The following DMD variants were observed in gnomAD, a reference collection of about 807,000 sequenced individuals.
The protein encoded by DMD is mutant dystrophin.
DMD carries 63 observed loss-of-function variants against 330.1 expected under a neutral mutation model. The observed-to-expected ratio is 0.19, with a 90% CI of 0.16 to 0.24. The LOEUF (loss-of-function observed/expected upper bound fraction) is 0.24. DMD is among the 10% of genes least tolerant of loss of function. The probability of loss-of-function intolerance (pLI) is 1.00; values close to 1 mark genes in which losing one functional copy is unlikely to be tolerated. For synonymous variants in DMD, 1,223 were observed against 959.8 expected, an observed-to-expected ratio of 1.27 and a Z score of -5.07; for missense variants, 3,344 against 2,684.1, an observed-to-expected ratio of 1.25 and a Z score of -5.43.
At position 32,697,862 on chromosome X, in the gene DMD, T is replaced by C. The variant is rs1326327750; in HGVS notation, c.960+8A>G. 5.0e-6 allele frequency: 6 copies of C among 1,208,352 alleles called. No individual in the cohort carries two copies. Among genetic ancestry groups the C allele is most frequent in the Middle Eastern group, 2.3e-4 (1 of 4,370 alleles). On this transcript the variant is annotated splice_region_variant and intron_variant, in intron 9 of 78. Transcript: ENST00000357033. ...GGTTTGTACAACAGAGAGTAAATGT[T>C]GACAGACCTGTGAAGGAAATGGGCT...
At chrX:33,037,919 T>G (rs1052980379) in intron 1 of DMD, among the ~76,000 whole-genome samples, 13 of 112,085 alleles carry the variant, frequency 1.2e-4, no homozygotes, top group Non-Finnish European at 1.9e-4. Flanking sequence ...AATCAATGTG[T>G]GAACAATATC....
In DMD at chrX:31,279,379, A is replaced by G. The variant is rs754031568; in HGVS notation, c.9225-18363T>C. On this transcript the variant is annotated intron_variant, in intron 62 of 78. Coordinates refer to ENST00000357033, the MANE Select transcript of DMD (RefSeq NM_004006.3). ...TGAATATTTTGTGATATCTTGCAAC[A>G]TGGCCAAAAGTTCTAGCCCTCTCCT... Among the ~76,000 whole-genome samples, 76 of 112,155 alleles carry G rather than the reference A, an allele frequency of 6.8e-4. 1 individual carries two copies. Among genetic ancestry groups the G allele is most frequent in the Non-Finnish European group, 1.2e-3 (66 of 53,243 alleles).
chrX:33,230,604 G>A (rs1039481896), intron 1 of DMD, among the ~76,000 whole-genome samples: 27 of 110,962 alleles, frequency 2.4e-4, no homozygotes, highest in Non-Finnish European at 5.1e-4. Context: ...CAAAAGGAGG[G>A]AGTTGCATAT....
At chrX:31,421,576 C>T (rs950424020) in intron 60 of DMD, among the ~76,000 whole-genome samples, 11 of 110,545 alleles carry the variant, frequency 1.0e-4, no homozygotes, top group South Asian at 3.8e-4. Flanking sequence ...GAAAATAATC[C>T]CCAAAATGAG....
intron 50 of DMD, among the ~76,000 whole-genome samples, chrX:31,781,453 C>A (rs966150427): frequency 2.3e-4 from 26 of 111,936 alleles, no homozygotes; most frequent in African/African-American, 8.1e-4. Context: ...GAGAGAAGAT[C>A]ATTTGATATA....
chrX:32,079,323 G>A (rs745475419), intron 44 of DMD, among the ~76,000 whole-genome samples: 1 of 111,943 alleles, frequency 8.9e-6, no homozygotes, highest in Non-Finnish European at 1.9e-5. Context: ...CTTGGGCCTG[G>A]TGGGTCACGC....
intron 42 of DMD, 38 bp downstream of exon 42, chrX:32,310,044 C>A (rs764857281): frequency 1.8e-6 from 2 of 1,136,675 alleles, no homozygotes; most frequent in South Asian, 3.6e-5. Context: ...TCAGTATGAT[C>A]ACCTTGTAAA....
rs957055796 is a variant in DMD, at chrX:33,056,261, C to A, written c.32-36061G>T. ...CAAAGTCCGCTGGATTCCTTCAATA[C>A]CTCTTCCTCTTTTCTCACATGGGCA... is the stretch of plus-strand genomic sequence containing the variant. On this transcript the variant is annotated intron_variant, in intron 1 of 78. Coordinates refer to ENST00000357033, the MANE Select transcript of DMD (RefSeq NM_004006.3). Among the ~76,000 whole-genome samples, 73 of 110,905 alleles carry A rather than the reference C, an allele frequency of 6.6e-4. 2 individuals carry two copies. Among genetic ancestry groups the A allele is most frequent in the Admixed American group, 2.9e-4 (3 of 10,345 alleles).
At chrX:31,570,366 T>A (rs2075744289) in intron 55 of DMD, among the ~76,000 whole-genome samples, 1 of 111,478 alleles carries the variant, frequency 9.0e-6, no homozygotes, top group East Asian at 2.8e-4. Flanking sequence ...ACTACTTAGT[T>A]AACTTGGTGC....
At chrX:31,267,058 C>T (rs371966146) in intron 62 of DMD, 1 of 367,942 alleles carries the variant, frequency 2.7e-6, no homozygotes, top group East Asian at 4.8e-5. Context: ...CCCGGACACC[C>T]AGAGACTGGG....
chrX:33,073,603 G>A (rs1304096245), intron 1 of DMD, among the ~76,000 whole-genome samples: 1 of 111,018 alleles, frequency 9.0e-6, no homozygotes, highest in African/African-American at 3.3e-5. Context: ...GGCTGAGGTG[G>A]GTGGGTCACC....
chrX:32,260,493 G>T (rs1044314503), intron 43 of DMD, among the ~76,000 whole-genome samples: 7 of 111,239 alleles, frequency 6.3e-5, no homozygotes, highest in African/African-American at 2.3e-4. Flanking sequence ...GATCTTAGGG[G>T]GACCTATAAT....
intron 63 of DMD, among the ~76,000 whole-genome samples, chrX:31,252,175 G>A (rs2049436789): frequency 8.9e-6 from 1 of 112,212 alleles, no homozygotes; most frequent in Admixed American, 9.5e-5. Context: ...AAAGTTAAAA[G>A]AGCAGATTAT....
chrX:32,019,786 A>G (rs1374300896), intron 44 of DMD, among the ~76,000 whole-genome samples: 2 of 112,468 alleles, frequency 1.8e-5, no homozygotes, highest in African/African-American at 6.5e-5. Flanking sequence ...AAAATTTTAC[A>G]TTCAAATAGA....
At chrX:32,250,641 G>A (rs2097259852) in intron 43 of DMD, among the ~76,000 whole-genome samples, 1 of 111,894 alleles carries the variant, frequency 8.9e-6, no homozygotes, top group African/African-American at 3.2e-5. Flanking sequence ...GATGGGAGAA[G>A]GCATTGCATT....
chrX:31,669,751 C>T (rs1274240564), intron 53 of DMD, among the ~76,000 whole-genome samples: 3 of 108,614 alleles, frequency 2.8e-5, no homozygotes, highest in African/African-American at 1.0e-4. Context: ...AAGTTAACTC[C>T]TCCAATGTTG....
intron 1 of DMD, among the ~76,000 whole-genome samples, chrX:33,304,823 T>C (rs1252392530): frequency 2.9e-5 from 3 of 103,142 alleles, no homozygotes; most frequent in African/African-American, 1.1e-4. Context: ...AAAATGCTCA[T>C]CATCACTGGC....
At position 32,884,222 on chromosome X, in the gene DMD, C is replaced by T. The variant is rs112732162; in HGVS notation, c.94-34402G>A. ...AAAAGATTTTCTTTAGTGGTTCAAC[C>T]TATACAAACATACCACCCAGGGAAT... On this transcript the variant is annotated intron_variant, in intron 2 of 78. Coordinates refer to ENST00000357033, the MANE Select transcript of DMD (RefSeq NM_004006.3). 4.4e-3 allele frequency among the ~76,000 whole-genome samples: 486 copies of T among 111,478 alleles called. 7 individuals are homozygous for T. In the East Asian group the frequency reaches 0.063, roughly 14 times the overall value.
At position 31,831,717 on chromosome X, in the gene DMD, G is replaced by C. The variant is rs377404104; in HGVS notation, c.7200+5001C>G. On this transcript the variant is annotated intron_variant, in intron 49 of 78. Transcript: ENST00000357033. The stretch of plus-strand genomic sequence containing the variant: ...GGGTTCATGCCATTCTCCTGCCTCA[G>C]CCTCCCGAGTAGCTGGGACTACAGA... Among the ~76,000 whole-genome samples, 17 of 110,821 alleles carry C rather than the reference G, an allele frequency of 1.5e-4. 1 individual carries two copies. The East Asian group carries it at 4.0e-3, about 26-fold the overall frequency.
Sources: gnomAD v4.1 joint callset for allele counts (sites outside exome capture counted in the v4.1 genomes callset) on GRCh38, gnomAD v4.1.1 for gene constraint, MANE v1.5 for transcripts, NCBI Gene and HGNC (gene_info 2026-07-23, HGNC 2026-07-21) for gene names.